The following SUMF1 variants were observed in gnomAD, a reference collection of about 807,000 sequenced individuals.
SUMF1 encodes the protein formylglycine-generating enzyme.
A neutral mutation model predicts 47.6 loss-of-function variants in SUMF1; 48 were observed. That is an observed-to-expected ratio of 1.01 (90% CI 0.80 to 1.28). The LOEUF is 1.28. Among genes scored for constraint, SUMF1 ranks in the 50% most tolerant of loss-of-function variants. The pLI, the probability that SUMF1 is intolerant of heterozygous loss-of-function variation, is 0.00. For synonymous variants in SUMF1, 230 were observed against 192.1 expected (o/e 1.20, Z -1.63); for missense variants, 571 against 485.4 (o/e 1.18, Z -1.66).
At chr3:4,282,457 T>C (rs938536913) in intron 8 of SUMF1, among the ~76,000 whole-genome samples, 26 of 152,214 alleles carry the variant, frequency 1.7e-4, no homozygotes, top group Non-Finnish European at 1.2e-4. Context: ...AATTCACACA[T>C]ACCTTCTACA....
chr3:4,290,999 C>T (rs1697730279), intron 8 of SUMF1, among the ~76,000 whole-genome samples: 1 of 152,152 alleles, frequency 6.6e-6, no homozygotes, highest in Non-Finnish European at 1.5e-5. Context: ...ATTGTCTCTA[C>T]AGTAATATGT....
At chr3:4,400,115 C>T (rs984273528) in intron 7 of SUMF1, among the ~76,000 whole-genome samples, 5 of 152,114 alleles carry the variant, frequency 3.3e-5, no homozygotes, top group Admixed American at 2.6e-4. Flanking sequence ...AAGCAACCGA[C>T]CCAAACTGGG....
intron 8 of SUMF1, among the ~76,000 whole-genome samples, chr3:4,178,167 G>C (rs1695010327): frequency 6.6e-6 from 1 of 152,178 alleles, no homozygotes; most frequent in African/African-American, 2.4e-5. Flanking sequence ...TAGAAAAAGA[G>C]GGAATCCTCC....
At chr3:4,367,777 A>G (rs1368870171) in intron 8 of SUMF1, among the ~76,000 whole-genome samples, 3 of 151,826 alleles carry the variant, frequency 2.0e-5, no homozygotes, top group Non-Finnish European at 3.0e-5. Context: ...AAACCTGGCT[A>G]GCCATATGTA....
At chr3:4,271,430 T>G (rs1697299055) in intron 8 of SUMF1, among the ~76,000 whole-genome samples, 1 of 152,014 alleles carries the variant, frequency 6.6e-6, no homozygotes, top group Non-Finnish European at 1.5e-5. Context: ...GACTGAATGT[T>G]TAAAAATCTA....
intron 8 of SUMF1, among the ~76,000 whole-genome samples, chr3:4,127,979 G>C (rs575995623): frequency 2.6e-5 from 4 of 152,100 alleles, no homozygotes; most frequent in African/African-American, 9.7e-5. Flanking sequence ...GGAGTTTAGT[G>C]ACTCTATACA....
chr3:4,381,104 A>T (rs1051689115), intron 7 of SUMF1, among the ~76,000 whole-genome samples: 1 of 152,208 alleles, frequency 6.6e-6, no homozygotes, highest in South Asian at 2.1e-4. Flanking sequence ...GTCATGCCCA[A>T]TACATTGACA....
In SUMF1 at chr3:4,137,634, A is replaced by T. The variant is rs560652590; in HGVS notation, c.1015-68889T>A. 3.0e-3 allele frequency among the ~76,000 whole-genome samples: 449 copies of T among 152,184 alleles called. 2 individuals carry two copies. The highest frequency in any genetic ancestry group is 5.2e-3 in the Non-Finnish European group (356 of 68,000). On this transcript the variant is annotated intron_variant and NMD_transcript_variant, in intron 8 of 12. Coordinates refer to the SUMF1 transcript ENST00000448413. ...CTTAAAGTATAATTAAAAACAAACA[A>T]ACAAACAAGAAATGGAAGAAAATTT...
intron 8 of SUMF1, among the ~76,000 whole-genome samples, chr3:4,284,306 G>A (rs1257062924): frequency 2.0e-5 from 3 of 151,962 alleles, no homozygotes; most frequent in South Asian, 2.1e-4. Context: ...CAGCTACCCG[G>A]GGGGCTGAGG....
chr3:4,151,827 A>ATATAGAG (rs1312596088), intron 8 of SUMF1, among the ~76,000 whole-genome samples: 1 of 151,480 alleles, frequency 6.6e-6, no homozygotes, highest in African/African-American at 2.5e-5. Context: ...GACAAGCTTG[A>ATATAGAG]TATAGAGAAA....
intron 8 of SUMF1, among the ~76,000 whole-genome samples, chr3:4,304,279 T>C (rs976980809): frequency 1.3e-5 from 2 of 152,178 alleles, no homozygotes; most frequent in African/African-American, 4.8e-5. Context: ...GTAGCTGGGA[T>C]TACAGGCATG....
At chr3:4,451,719 T>C (rs115001270) in intron 2 of SUMF1, among the ~76,000 whole-genome samples, 2,963 of 152,318 alleles carry the variant, frequency 0.019, 104 homozygotes, top group African/African-American at 0.069. Context: ...GACAGAGTCT[T>C]GCTCTTCTTC....
At chr3:4,241,472 G>A (rs987650845) in intron 8 of SUMF1, among the ~76,000 whole-genome samples, 14 of 152,146 alleles carry the variant, frequency 9.2e-5, no homozygotes, top group Non-Finnish European at 1.8e-4. Flanking sequence ...GCTAAGTCAT[G>A]TAACCAATAT....
chr3:4,338,601 C>A (rs1699203130), intron 8 of SUMF1, among the ~76,000 whole-genome samples: 1 of 152,144 alleles, frequency 6.6e-6, no homozygotes, highest in South Asian at 2.1e-4. Context: ...CTGTTACATT[C>A]TGGAGAAATC....
At chr3:4,262,960 T>A (rs902575783) in intron 8 of SUMF1, among the ~76,000 whole-genome samples, 6 of 152,196 alleles carry the variant, frequency 3.9e-5, no homozygotes, top group Non-Finnish European at 8.8e-5. Flanking sequence ...AGGGCCAGAA[T>A]GATGGCACTA....
intron 1 of SUMF1, 119 bp downstream of exon 1, chr3:4,466,857 C>G: frequency 7.0e-7 from 1 of 1,437,972 alleles, no homozygotes. Flanking sequence ...AGCAGGTGCT[C>G]GATTTGGGGT....
At chr3:4,258,622 T>G (rs312092) in intron 8 of SUMF1, among the ~76,000 whole-genome samples, 6 of 151,926 alleles carry the variant, frequency 3.9e-5, no homozygotes, top group Non-Finnish European at 7.4e-5. Flanking sequence ...AACAGGTGCT[T>G]GAGAGGATGT....
intron 8 of SUMF1, among the ~76,000 whole-genome samples, chr3:4,199,057 T>C (rs185742194): frequency 1.8e-4 from 27 of 151,740 alleles, no homozygotes; most frequent in Non-Finnish European, 3.8e-4. Flanking sequence ...ATCAAATGAG[T>C]TTAGGTAAAT....
chr3:4,068,851 G>A (rs113185354), intron 8 of SUMF1: 144 of 233,048 alleles, frequency 6.2e-4, no homozygotes, highest in Non-Finnish European at 1.1e-3. Flanking sequence ...AGAACTTACA[G>A]AACTTAATTC....
Sources: allele counts gnomAD v4.1 joint callset (sites outside exome capture counted in the v4.1 genomes callset), GRCh38; gene constraint gnomAD v4.1.1; transcripts MANE v1.5; gene names NCBI Gene and HGNC (gene_info 2026-07-23, HGNC 2026-07-21).